Variants in ZNF697 observed in about 807,000 individuals in gnomAD.
ZNF697 encodes zinc finger protein 697.
In ZNF697, 23 loss-of-function variants were observed where a neutral mutation model predicts 32.4. That is an observed-to-expected ratio of 0.71 (90% CI 0.51 to 1.01). ZNF697 has a LOEUF of 1.01. Ranked by LOEUF, ZNF697 falls within the 50% of genes least tolerant of loss-of-function variation. The probability of loss-of-function intolerance (pLI) is 0.00; values close to 1 mark genes in which losing one functional copy is unlikely to be tolerated. For missense variants in ZNF697, 930 were observed against 794.0 expected (o/e 1.17, Z -2.06); for synonymous variants, 418 against 337.2 (o/e 1.24, Z -2.62).
chr1:119,622,391 A>G lies in ZNF697; in HGVS notation c.*314T>C, dbSNP rs2101075513. On this transcript the variant is annotated 3_prime_UTR_variant, in exon 3 of 3. Coordinates refer to ENST00000421812, the MANE Select transcript of ZNF697 (RefSeq NM_001080470.2). Reference sequence around the variant, plus strand: ...TTGCCCGCCATCCTGTTCCCACCCCAGCCCACGAACTGCCCTTCCTCAAAG... The same window carrying G: ...TTGCCCGCCATCCTGTTCCCACCCCGGCCCACGAACTGCCCTTCCTCAAAG... 2 of 293,720 alleles carry G rather than the reference A, an allele frequency of 6.8e-6. No individual in the cohort carries two copies. The highest frequency in any genetic ancestry group is 8.5e-4 in the Middle Eastern group (1 of 1,176). The allele number at this position is 293,720 out of a possible 1,614,324, so 18.2% of individuals were successfully genotyped here. A position where few individuals can be genotyped will look rare whatever the true frequency, so the allele number is the denominator to read the frequency against.
At chr1:119,637,385 C>T (rs1228571390) in intron 1 of ZNF697, among the ~76,000 whole-genome samples, 2 of 152,150 alleles carry the variant, frequency 1.3e-5, no homozygotes, top group Non-Finnish European at 2.9e-5. Flanking sequence ...TAGATGTGGG[C>T]CCGGTGGCAG....
Position 119,623,160 on chromosome 1 carries a change from CCG to C in ZNF697, c.1181_1182del (p.Ser394Ter). ...GECGKRFSWR[S>X]DLVKHQRVHT... ...TGCACGCGCTGGTGCTTCACCAAGT[CCG>C]AGCGCCAGCTGAAGCGCTTGCCGCA... is the stretch of plus-strand genomic sequence containing the variant. On this transcript the variant is annotated frameshift_variant, in exon 3 of 3. Transcript: ENST00000421812. LOFTEE classifies it high-confidence loss of function. The C allele has an allele frequency of 1.3e-6, 2 of 1,577,294 alleles. No individual in the cohort carries two copies. Among genetic ancestry groups the C allele is most frequent in the East Asian group, 2.3e-5 (1 of 42,788 alleles).
In ZNF697 at chr1:119,622,160, G is replaced by C. The variant is rs1570933867; in HGVS notation, c.*545C>G. 1 of 152,822 alleles carries C rather than the reference G, an allele frequency of 6.5e-6. No individual in the cohort carries two copies. Among genetic ancestry groups the C allele is most frequent in the East Asian group, 1.9e-4 (1 of 5,166 alleles). The allele number at this position is 152,822 out of a possible 1,614,324, so 9.5% of individuals were successfully genotyped here. A position where few individuals can be genotyped will look rare whatever the true frequency, so the allele number is the denominator to read the frequency against. ...AGCAGCTAACTGTGGCTCAGAGAAAGGAAAAGTACATTAAATATCCTGTCC... is the reference window on the plus strand; with the variant it reads ...AGCAGCTAACTGTGGCTCAGAGAAACGAAAAGTACATTAAATATCCTGTCC... On this transcript the variant is annotated 3_prime_UTR_variant, in exon 3 of 3. Coordinates refer to ENST00000421812, the MANE Select transcript of ZNF697 (RefSeq NM_001080470.2).
At position 119,623,804 on chromosome 1, in the gene ZNF697, AG is replaced by A; in HGVS notation, c.538del (p.Leu180TrpfsTer58). The A allele has an allele frequency of 6.5e-7, 1 of 1,547,502 alleles. No individual in the cohort carries two copies. The highest frequency in any genetic ancestry group is 8.7e-7 in the Non-Finnish European group (1 of 1,146,032). ...MAVDLGELDS[L>X]VASIMDAPTI... Reference sequence around the variant, plus strand: ...GGGCGCGTCCATGATGCTGGCCACCAGGCTATCCAGCTCCCCGAGGTCCACG... The same window carrying A: ...GGGCGCGTCCATGATGCTGGCCACCAGCTATCCAGCTCCCCGAGGTCCACG... On this transcript the variant is annotated frameshift_variant, in exon 3 of 3. Coordinates refer to ENST00000421812, the MANE Select transcript of ZNF697 (RefSeq NM_001080470.2). LOFTEE classifies it high-confidence loss of function.
intron 1 of ZNF697, 35 bp from the exon 2 acceptor site, chr1:119,626,172 G>C (rs1403192207): frequency 1.3e-6 from 2 of 1,592,454 alleles, no homozygotes; most frequent in Non-Finnish European, 1.7e-6. Flanking sequence ...GGTCACGTCA[G>C]TCCGGTCTCA....
intron 1 of ZNF697, among the ~76,000 whole-genome samples, chr1:119,631,077 G>A (rs1362329578): frequency 6.6e-6 from 1 of 152,200 alleles, no homozygotes; most frequent in Non-Finnish European, 1.5e-5. Flanking sequence ...AAGAGGTTAG[G>A]GCAGAGGAGT....
chr1:119,625,827 T>C (rs771703969), intron 2 of ZNF697, 48 bp downstream of exon 2: 25 of 1,601,430 alleles, frequency 1.6e-5, no homozygotes, highest in Non-Finnish European at 2.0e-5. Flanking sequence ...GAGCTAGAAG[T>C]AAGTGTAACT....
chr1:119,628,461 G>A (rs1557937195), intron 1 of ZNF697, among the ~76,000 whole-genome samples: 3 of 152,188 alleles, frequency 2.0e-5, no homozygotes, highest in African/African-American at 4.8e-5. Flanking sequence ...GAACCAGAGT[G>A]AGTTCCCCAC....
intron 1 of ZNF697, among the ~76,000 whole-genome samples, chr1:119,632,316 G>A (rs1271929700): frequency 6.6e-6 from 1 of 152,146 alleles, no homozygotes; most frequent in African/African-American, 2.4e-5. Flanking sequence ...AACCCAAAAT[G>A]CCAGCCACCC....
At position 119,623,892 on chromosome 1, in the gene ZNF697, TC is replaced by T. The variant is rs1403617980; in HGVS notation, c.450del (p.Ser151ValfsTer87). On this transcript the variant is annotated frameshift_variant, in exon 3 of 3. Transcript: ENST00000421812. LOFTEE classifies it high-confidence loss of function. ...GCGGGCTTGTCACCTCGGTGCCGAC[TC>T]CCCAGGGAGAGATGTCGCCTCCAGG... is the stretch of plus-strand genomic sequence containing the variant. ...VLPWRRHLSLGSRHRGDKPAH... is the reference protein window; with the variant it reads ...VLPWRRHLSLXSRHRGDKPAH... 6.5e-7 allele frequency: 1 copy of T among 1,547,878 alleles called. No individual in the cohort carries two copies. The highest frequency in any genetic ancestry group is 1.9e-5 in the Admixed American group (1 of 52,298).
intron 1 of ZNF697, among the ~76,000 whole-genome samples, chr1:119,633,029 T>C (rs1047557955): frequency 2.6e-5 from 4 of 152,200 alleles, no homozygotes; most frequent in Non-Finnish European, 5.9e-5. Flanking sequence ...TCAGAATTAT[T>C]ATCTCTAGAC....
At chr1:119,632,214 G>A (rs1237797119) in intron 1 of ZNF697, among the ~76,000 whole-genome samples, 2 of 152,110 alleles carry the variant, frequency 1.3e-5, no homozygotes, top group African/African-American at 2.4e-5. Flanking sequence ...CTGAGCAAGG[G>A]GTAAGCACCT....
intron 1 of ZNF697, among the ~76,000 whole-genome samples, chr1:119,637,081 T>G (rs1028058782): frequency 2.6e-5 from 4 of 152,150 alleles, no homozygotes; most frequent in African/African-American, 9.7e-5. Flanking sequence ...TTAATCCTTC[T>G]CCTCTCAAAG....
intron 1 of ZNF697, among the ~76,000 whole-genome samples, chr1:119,639,434 C>A (rs1445853567): frequency 6.6e-6 from 1 of 152,198 alleles, no homozygotes; most frequent in Non-Finnish European, 1.5e-5. Flanking sequence ...CTTACCTCAT[C>A]TTAACCTCTG....
In ZNF697 at chr1:119,622,450, C is replaced by T; in HGVS notation, c.*255G>A. On this transcript the variant is annotated 3_prime_UTR_variant, in exon 3 of 3. Coordinates refer to ENST00000421812, the MANE Select transcript of ZNF697 (RefSeq NM_001080470.2). ...CCTCCAAGCTCTTCACCCCCTACAGCGTGTATTTAAGGAAGTCATCACCCC... is the reference window on the plus strand; with the variant it reads ...CCTCCAAGCTCTTCACCCCCTACAGTGTGTATTTAAGGAAGTCATCACCCC... 2 of 571,334 alleles carry T rather than the reference C, an allele frequency of 3.5e-6. No individual in the cohort carries two copies. Among genetic ancestry groups the T allele is most frequent in the Non-Finnish European group, 5.5e-6 (2 of 361,684 alleles). The allele number at this position is 571,334 out of a possible 1,614,324, so 35.4% of individuals were successfully genotyped here.
At chr1:119,643,255 C>A (rs894179302) in intron 1 of ZNF697, among the ~76,000 whole-genome samples, 1 of 152,194 alleles carries the variant, frequency 6.6e-6, no homozygotes, top group African/African-American at 2.4e-5. Context: ...GACCCTCTCA[C>A]ACACCTGCTG....
chr1:119,625,854 A>G (rs1362508054), intron 2 of ZNF697, 21 bp downstream of exon 2: 4 of 1,611,900 alleles, frequency 2.5e-6, no homozygotes, highest in South Asian at 2.2e-5. Flanking sequence ...ACTTGCATAG[A>G]AATCCCAGCT....
chr1:119,623,912 C>T lies in ZNF697; in HGVS notation c.431G>A (p.Arg144Lys), dbSNP rs199582720. 3 of 1,567,386 alleles carry T rather than the reference C, an allele frequency of 1.9e-6. No individual in the cohort carries two copies. Among genetic ancestry groups the T allele is most frequent in the Non-Finnish European group, 2.6e-6 (3 of 1,156,164 alleles). ...CCGACTCCCCAGGGAGAGATGTCGC[C>T]TCCAGGGAAGTACGGGAGGGGCCGG... ...EQPAPPVLPWRRHLSLGSRHR... is the reference protein window; with the variant it reads ...EQPAPPVLPWKRHLSLGSRHR... Residue 144 changes from arginine (R) to lysine (K), a missense_variant, in exon 3 of 3, where the codon AGG (arginine) becomes AAG (lysine). Arg to Lys is a conservative substitution (Grantham distance 26, BLOSUM62 2). Coordinates refer to ENST00000421812, the MANE Select transcript of ZNF697 (RefSeq NM_001080470.2).
chr1:119,634,898 G>A (rs587648789), intron 1 of ZNF697, among the ~76,000 whole-genome samples: 4 of 152,310 alleles, frequency 2.6e-5, no homozygotes, highest in Admixed American at 6.5e-5. Context: ...TGTTGGTACT[G>A]AGATTAAGTG....
Sources: gnomAD v4.1 joint callset for allele counts (sites outside exome capture counted in the v4.1 genomes callset) on GRCh38, gnomAD v4.1.1 for gene constraint, MANE v1.5 for transcripts, NCBI Gene and HGNC (gene_info 2026-07-23, HGNC 2026-07-21) for gene names.